The following INPP5A variants were observed in gnomAD, a reference collection of about 807,000 sequenced individuals.
The protein encoded by INPP5A is 43 kDa inositol polyphosphate 5-phophatase.
Under a neutral mutation model 65.2 loss-of-function variants are expected in INPP5A, and 14 were observed. The observed-to-expected ratio is 0.21, with a 90% CI of 0.14 to 0.34. The LOEUF is 0.34. INPP5A is among the 10% of genes least tolerant of loss of function. The pLI is 1.00. For missense variants in INPP5A, 431 were observed against 545.6 expected (o/e 0.79, Z 2.09); for synonymous variants, 207 against 208.3 (o/e 0.99, Z 0.05).
intron 2 of INPP5A, among the ~76,000 whole-genome samples, chr10:132,636,238 G>GA (rs1393473929): frequency 6.6e-6 from 1 of 151,742 alleles, no homozygotes; most frequent in Non-Finnish European, 1.5e-5. Context: ...GCCATAAAAA[G>GA]AATGAAATCG....
chr10:132,550,558 G>A lies in INPP5A; in HGVS notation c.75+12387G>A. ...CGGCAGCTGTGTCCCTTGACGTGCT[G>A]AGAGGGCCTGGCTGTGAGCCGCATG... On this transcript the variant is annotated intron_variant, in intron 1 of 15. Coordinates refer to ENST00000368594, the MANE Select transcript of INPP5A (RefSeq NM_005539.5). The surrounding 1 kb of genome is among the most constrained non-coding windows in gnomAD (Gnocchi z 4.2). Among the ~76,000 whole-genome samples the A allele has an allele frequency of 6.6e-6, 1 of 152,252 alleles. No homozygotes were observed. The highest frequency in any genetic ancestry group is 2.1e-4 in the South Asian group (1 of 4,836).
At chr10:132,700,679 T>C (rs1845422685) in intron 6 of INPP5A, among the ~76,000 whole-genome samples, 1 of 152,222 alleles carries the variant, frequency 6.6e-6, no homozygotes, top group South Asian at 2.1e-4. Flanking sequence ...GCACCCGACC[T>C]CTCGCTGTGT....
At chr10:132,649,812 A>T (rs543566887) in intron 3 of INPP5A, among the ~76,000 whole-genome samples, 2 of 152,168 alleles carry the variant, frequency 1.3e-5, no homozygotes, top group Admixed American at 6.5e-5. Context: ...CTTTGCGGAG[A>T]TGGTGGTGAG....
At chr10:132,685,970 C>T (rs996669143) in intron 4 of INPP5A, among the ~76,000 whole-genome samples, 2 of 152,234 alleles carry the variant, frequency 1.3e-5, no homozygotes, top group Non-Finnish European at 2.9e-5. Flanking sequence ...TCACTAGCCG[C>T]CCCTGTGAGA....
At chr10:132,542,731 C>A (rs1220717516) in intron 1 of INPP5A, among the ~76,000 whole-genome samples, 1 of 152,248 alleles carries the variant, frequency 6.6e-6, no homozygotes, top group Non-Finnish European at 1.5e-5. Context: ...CCTTCTTCTT[C>A]AGGGACGTTT....
chr10:132,557,336 T>A (rs965243438), intron 1 of INPP5A, among the ~76,000 whole-genome samples: 1 of 152,258 alleles, frequency 6.6e-6, no homozygotes, highest in Non-Finnish European at 1.5e-5. Flanking sequence ...AGATGTGGGC[T>A]CCTGCAGCAG....
In INPP5A at chr10:132,561,052, CTTTTT is replaced by C. The variant is rs758540879; in HGVS notation, c.75+22896_75+22900del. Among the ~76,000 whole-genome samples, 701 of 126,966 alleles carry C rather than the reference CTTTTT, an allele frequency of 5.5e-3. 5 individuals are homozygous for C. Among genetic ancestry groups the C allele is most frequent in the African/African-American group, 0.02 (666 of 34,122 alleles). 83.3% of individuals were successfully genotyped at this position (126,966 alleles called of 152,430 possible). ...TTTTTTGATAGTGTCGTTTGAAGCA[CTTTTT>C]TTTTTTTTTTTTTTGAGACAGGGTC... On this transcript the variant is annotated intron_variant, in intron 1 of 15. Coordinates refer to ENST00000368594, the MANE Select transcript of INPP5A (RefSeq NM_005539.5).
chr10:132,734,732 C>A (rs1320976831), intron 9 of INPP5A, among the ~76,000 whole-genome samples: 1 of 152,262 alleles, frequency 6.6e-6, no homozygotes, highest in African/African-American at 2.4e-5. Context: ...CCCCACCTCT[C>A]TTCAGTTCTC....
intron 4 of INPP5A, among the ~76,000 whole-genome samples, chr10:132,653,584 C>T (rs1259835298): frequency 1.3e-5 from 2 of 152,126 alleles, no homozygotes; most frequent in Admixed American, 6.5e-5. Flanking sequence ...CTTGCCCCTG[C>T]CTCTGAGAGA....
intron 4 of INPP5A, among the ~76,000 whole-genome samples, chr10:132,656,881 G>A (rs1257959197): frequency 6.6e-6 from 1 of 152,240 alleles, no homozygotes; most frequent in Non-Finnish European, 1.5e-5. Context: ...CCCAGATGGT[G>A]CATGTGGGGA....
chr10:132,557,242 A>T (rs1474449340), intron 1 of INPP5A, among the ~76,000 whole-genome samples: 1 of 152,144 alleles, frequency 6.6e-6, no homozygotes, highest in African/African-American at 2.4e-5. Flanking sequence ...AGGCTGAGGC[A>T]CCCTCGCCCG....
chr10:132,628,335 T>C (rs1303706132), intron 2 of INPP5A, among the ~76,000 whole-genome samples: 1 of 147,016 alleles, frequency 6.8e-6, no homozygotes, highest in Non-Finnish European at 1.5e-5. Flanking sequence ...TGGCAATGAC[T>C]GTGAGGAGTG....
chr10:132,608,795 GGT>G (rs2071899371), intron 2 of INPP5A, among the ~76,000 whole-genome samples: 1 of 152,244 alleles, frequency 6.6e-6, no homozygotes, highest in Admixed American at 6.5e-5. Flanking sequence ...TCCTGTTTCA[GGT>G]GTGTTTGGCT....
At chr10:132,653,618 C>T (rs1173385361) in intron 4 of INPP5A, among the ~76,000 whole-genome samples, 1 of 152,144 alleles carries the variant, frequency 6.6e-6, no homozygotes, top group Non-Finnish European at 1.5e-5. Flanking sequence ...AACGCATTCT[C>T]TTACCAAAAA....
chr10:132,616,616 A>AGTGGTGACATGGGACATG lies in INPP5A; in HGVS notation c.117+8663_117+8680dup, dbSNP rs2072037254. On this transcript the variant is annotated intron_variant, in intron 2 of 15. Coordinates refer to ENST00000368594, the MANE Select transcript of INPP5A (RefSeq NM_005539.5). This position sits in a 1 kb window ranked among gnomAD's most constrained non-coding sequence, Gnocchi z 4.9. ...ACATGGGATGTGGTTTTGGGGTTGCAGTGGTGACATGGGACATGGTAGTGA... is the reference window on the plus strand; with the variant it reads ...ACATGGGATGTGGTTTTGGGGTTGCAGTGGTGACATGGGACATGGTGGTGACATGGGACATGGTAGTGA... Among the ~76,000 whole-genome samples the AGTGGTGACATGGGACATG allele has an allele frequency of 6.6e-6, 1 of 151,474 alleles. No individual in the cohort carries two copies. Among genetic ancestry groups the AGTGGTGACATGGGACATG allele is most frequent in the South Asian group, 2.1e-4 (1 of 4,806 alleles).
chr10:132,650,456 G>C lies in INPP5A; in HGVS notation c.257G>C (p.Arg86Thr), dbSNP rs761609868. ...LSSDAMKEYN[R>T]ARVYLDENYK... is the part of the protein sequence containing the mutation. ...AGTGATGCGATGAAAGAATATAACA[G>C]GGCTCGAGTCTACCTGGATGAAAAC... Residue 86 changes from arginine (R) to threonine (T), a missense_variant, in exon 4 of 16, where the codon AGG becomes ACG. Arg to Thr is a moderately conservative substitution (Grantham distance 71). Transcript: ENST00000368594. The surrounding 1 kb of genome is among the most constrained non-coding windows in gnomAD (Gnocchi z 5.5). 6.2e-7 allele frequency: 1 copy of C among 1,613,914 alleles called. No homozygotes were observed. Among genetic ancestry groups the C allele is most frequent in the Admixed American group, 1.7e-5 (1 of 60,016 alleles).
intron 1 of INPP5A, among the ~76,000 whole-genome samples, chr10:132,607,087 T>C (rs1336214354): frequency 6.6e-6 from 1 of 152,168 alleles, no homozygotes; most frequent in Admixed American, 6.5e-5. Flanking sequence ...ACCTCCCTCC[T>C]CTTGGGTTTG....
chr10:132,639,603 C>G (rs1288909857), intron 2 of INPP5A, among the ~76,000 whole-genome samples: 1 of 152,214 alleles, frequency 6.6e-6, no homozygotes, highest in Non-Finnish European at 1.5e-5. Flanking sequence ...GTTCTAGAAT[C>G]TGTAAATGTA....
In INPP5A at chr10:132,704,563, G is replaced by A. The variant is rs537837250; in HGVS notation, c.475-3750G>A. Among the ~76,000 whole-genome samples the A allele has an allele frequency of 6.6e-6, 1 of 152,356 alleles. No individual in the cohort carries two copies. Among genetic ancestry groups the A allele is most frequent in the Admixed American group, 6.5e-5 (1 of 15,312 alleles). On this transcript the variant is annotated intron_variant, in intron 6 of 15. Coordinates refer to ENST00000368594, the MANE Select transcript of INPP5A (RefSeq NM_005539.5). The surrounding 1 kb of genome is among the most constrained non-coding windows in gnomAD (Gnocchi z 4.5). ...CTGTCCTCCCCTCCTTGTACCCGAG[G>A]CCCCACAGCTGGGACTTGAACCTGG...
Sources: allele counts gnomAD v4.1 joint callset (sites outside exome capture counted in the v4.1 genomes callset), GRCh38; gene constraint gnomAD v4.1.1; non-coding constraint Gnocchi (gnomAD v3.1); transcripts MANE v1.5; gene names NCBI Gene and HGNC (gene_info 2026-07-23, HGNC 2026-07-21).